The following PIWIL4 variants were observed in gnomAD, a reference collection of about 807,000 sequenced individuals.
PIWIL4 encodes the protein piwi like RNA-mediated gene silencing 4, also known as piwi-like protein 4.
Under a neutral mutation model 100.9 loss-of-function variants are expected in PIWIL4, and 50 were observed. That is an observed-to-expected ratio of 0.50 (90% CI 0.39 to 0.63). The LOEUF (loss-of-function observed/expected upper bound fraction) is 0.63. Ranked by LOEUF, PIWIL4 falls within the 20% of genes least tolerant of loss-of-function variation. The pLI, the probability that PIWIL4 is intolerant of heterozygous loss-of-function variation, is 0.00. For missense variants in PIWIL4, 887 were observed against 1,043.3 expected, an observed-to-expected ratio of 0.85 and a Z score of 2.06; for synonymous variants, 342 against 367.5, an observed-to-expected ratio of 0.93 and a Z score of 0.79.
At chr11:94,592,663 C>G (rs1948502818) in intron 8 of PIWIL4, among the ~76,000 whole-genome samples, 1 of 152,194 alleles carries the variant, frequency 6.6e-6, no homozygotes, top group South Asian at 2.1e-4. Flanking sequence ...TCACAATACC[C>G]AGGCATTTTG....
chr11:94,582,856 C>T (rs940062048), intron 4 of PIWIL4, among the ~76,000 whole-genome samples: 1 of 151,998 alleles, frequency 6.6e-6, no homozygotes, highest in African/African-American at 2.4e-5. Context: ...CATTTATCCT[C>T]TCTCCTTTCT....
chr11:94,595,164 T>G, intron 9 of PIWIL4, 145 bp from the exon 10 acceptor site: 1 of 604,058 alleles, frequency 1.7e-6, no homozygotes, highest in East Asian at 2.7e-5. Context: ...CCAGAAAACT[T>G]AAAATGACAT....
At chr11:94,591,898 A>G (rs926719737) in intron 8 of PIWIL4, among the ~76,000 whole-genome samples, 37 of 152,316 alleles carry the variant, frequency 2.4e-4, no homozygotes, top group African/African-American at 8.7e-4. Context: ...AAATTGGGGC[A>G]AGGGAGAGGG....
chr11:94,590,086 AC>A (rs1948462182), intron 8 of PIWIL4, among the ~76,000 whole-genome samples: 1 of 152,152 alleles, frequency 6.6e-6, no homozygotes, highest in African/African-American at 2.4e-5. Flanking sequence ...AAAAACAAAA[AC>A]CCTTTCTTGA....
At chr11:94,602,434 T>C (rs891002930) in intron 12 of PIWIL4, among the ~76,000 whole-genome samples, 13 of 152,352 alleles carry the variant, frequency 8.5e-5, no homozygotes, top group African/African-American at 3.1e-4. Context: ...CTTTTCTGAT[T>C]CTGTTACTGT....
chr11:94,605,685 A>T (rs1948707187), intron 13 of PIWIL4, among the ~76,000 whole-genome samples: 1 of 152,168 alleles, frequency 6.6e-6, no homozygotes, highest in Non-Finnish European at 1.5e-5. Context: ...ATTCCATTCC[A>T]TCAGTCCTTC....
intron 6 of PIWIL4, among the ~76,000 whole-genome samples, chr11:94,586,335 A>T (rs1415076028): frequency 6.6e-6 from 1 of 152,096 alleles, no homozygotes; most frequent in African/African-American, 2.4e-5. Flanking sequence ...CACAGTGTCT[A>T]CTTAATAGTC....
intron 15 of PIWIL4, among the ~76,000 whole-genome samples, chr11:94,612,757 T>C (rs563575434): frequency 8.5e-5 from 13 of 152,312 alleles, no homozygotes; most frequent in South Asian, 4.1e-4. Flanking sequence ...AAACATCTTA[T>C]GGTTATAACA....
chr11:94,576,665 G>A (rs1948241989), intron 3 of PIWIL4, among the ~76,000 whole-genome samples: 1 of 152,198 alleles, frequency 6.6e-6, no homozygotes, highest in Admixed American at 6.5e-5. Context: ...GCCTCCATGT[G>A]TCTGCAGAAA....
Position 94,599,702 on chromosome 11 carries a change from A to T in PIWIL4, c.1380+1787A>T, listed in dbSNP as rs370755339. ...AGGATGGCTGATGGTTGGAAGTCAG[A>T]TAAGTCAGAGTGCTTGGTCACAAGT... On this transcript the variant is annotated intron_variant, in intron 11 of 19. Coordinates refer to ENST00000299001, the MANE Select transcript of PIWIL4 (RefSeq NM_152431.3). Among the ~76,000 whole-genome samples, 15 of 152,304 alleles carry T rather than the reference A, an allele frequency of 9.8e-5. No homozygotes were observed. In the East Asian group the frequency reaches 2.1e-3, roughly 22 times the overall value.
intron 15 of PIWIL4, among the ~76,000 whole-genome samples, chr11:94,614,300 C>CTTTTT (rs57731239): frequency 1.7e-4 from 20 of 120,120 alleles, no homozygotes; most frequent in East Asian, 4.8e-4. Context: ...TTTTTCTTTT[C>CTTTTT]TTTTTTTTTT....
intron 12 of PIWIL4, among the ~76,000 whole-genome samples, chr11:94,602,615 AAAAT>A (rs1326462346): frequency 2.6e-5 from 4 of 152,222 alleles, no homozygotes; most frequent in Non-Finnish European, 4.4e-5. Flanking sequence ...AATCACACTG[AAAAT>A]AAATACTGTT....
intron 8 of PIWIL4, among the ~76,000 whole-genome samples, chr11:94,592,048 T>G (rs2135267803): frequency 6.6e-6 from 1 of 152,246 alleles, no homozygotes; most frequent in South Asian, 2.1e-4. Flanking sequence ...TTCTTCAAGG[T>G]CCTCTCTTGG....
At chr11:94,613,342 TC>T (rs1232568728) in intron 15 of PIWIL4, among the ~76,000 whole-genome samples, 3 of 152,218 alleles carry the variant, frequency 2.0e-5, no homozygotes, top group Non-Finnish European at 4.4e-5. Context: ...CTATGAGGGT[TC>T]CTTTGTATGT....
rs185746059 is a variant in PIWIL4, at chr11:94,597,800, A to G, written c.1269-4A>G. 1,009 of 1,602,600 alleles carry G rather than the reference A, an allele frequency of 6.3e-4. 13 individuals carry two copies. In the East Asian group the frequency reaches 0.013, roughly 21 times the overall value. The stretch of plus-strand genomic sequence containing the variant: ...TTAATGATTTAAAACAACTTTATCA[A>G]CAGGAATACCAATGCTCGCTTTGAA... On this transcript the variant is annotated splice_region_variant and splice_polypyrimidine_tract_variant and intron_variant, in intron 10 of 19. Coordinates refer to ENST00000299001, the MANE Select transcript of PIWIL4 (RefSeq NM_152431.3).
At chr11:94,585,591 C>G in intron 6 of PIWIL4, 66 bp downstream of exon 6, 1 of 1,226,358 alleles carries the variant, frequency 8.2e-7, no homozygotes. Flanking sequence ...ATTTATGATG[C>G]AATATTATAC....
chr11:94,601,966 G>C lies in PIWIL4; in HGVS notation c.1552G>C (p.Asp518His). ...TGCAGGTTCCATGGGATTTAATGTG[G>C]ACTACCCCAAAATGTGAGAATACAT... ...RVAGSMGFNVDYPKIIKVQEN... is the reference protein window; with the variant it reads ...RVAGSMGFNVHYPKIIKVQEN... Residue 518 changes from aspartate to histidine, a missense_variant, in exon 12 of 20, where the codon GAC becomes CAC. Physicochemically the swap from Asp to His is moderately conservative, Grantham distance 81 (BLOSUM62 -1). This residue lies in a region of PIWIL4 where 741 missense variants were observed against 930.0 expected (regional missense o/e 0.80). Transcript: ENST00000299001. 1 of 1,607,506 alleles carries C rather than the reference G, an allele frequency of 6.2e-7. No homozygotes were observed. Among genetic ancestry groups the C allele is most frequent in the South Asian group, 1.1e-5 (1 of 89,492 alleles).
chr11:94,581,542 G>T (rs1344119545), intron 4 of PIWIL4, among the ~76,000 whole-genome samples: 1 of 152,172 alleles, frequency 6.6e-6, no homozygotes, highest in Non-Finnish European at 1.5e-5. Context: ...AAGGAACAGA[G>T]ACTCTTCCAT....
chr11:94,575,198 G>C (rs540910649), intron 3 of PIWIL4, 68 bp downstream of exon 3: 1 of 1,488,300 alleles, frequency 6.7e-7, no homozygotes, highest in Non-Finnish European at 9.2e-7. Flanking sequence ...CCAAATTCTA[G>C]GTCTAAAATA....
Sources: gnomAD v4.1 joint callset for allele counts (sites outside exome capture counted in the v4.1 genomes callset) on GRCh38, gnomAD v4.1.1 for gene constraint, gnomAD v4.1.1 regional missense constraint, MANE v1.5 for transcripts, NCBI Gene and HGNC (gene_info 2026-07-23, HGNC 2026-07-21) for gene names.